SETBP1: variants seen among roughly 807,000 people sequenced by gnomAD.
The protein encoded by SETBP1 is SET-binding protein.
SETBP1 carries 9 observed loss-of-function variants against 101.0 expected under a neutral mutation model. That is an observed-to-expected ratio of 0.09 (90% CI 0.05 to 0.16). The LOEUF (loss-of-function observed/expected upper bound fraction) is 0.16. SETBP1 is among the 10% of genes least tolerant of loss of function. The probability of loss-of-function intolerance (pLI) is 1.00; values close to 1 mark genes in which losing one functional copy is unlikely to be tolerated. For missense variants in SETBP1, 1,858 were observed against 2,033.8 expected (o/e 0.91, Z 1.66); for synonymous variants, 818 against 788.5 (o/e 1.04, Z -0.63).
intron 4 of SETBP1, among the ~76,000 whole-genome samples, chr18:45,026,998 A>G (rs1225943745): frequency 6.6e-6 from 1 of 152,030 alleles, no homozygotes; most frequent in African/African-American, 2.4e-5. Context: ...AAAAATTAAA[A>G]CCTTTAACTT....
At position 44,956,735 on chromosome 18, in the gene SETBP1, C is replaced by T. The variant is rs912992304; in HGVS notation, c.4000+3395C>T. ...GAGCTGATGAAAGATACCATCTAAA[C>T]GTAAGTCATTACCATTATGGAGAGA... On this transcript the variant is annotated intron_variant, in intron 4 of 5. Transcript: ENST00000649279. Among the ~76,000 whole-genome samples, 4 of 152,162 alleles carry T rather than the reference C, an allele frequency of 2.6e-5. No individual in the cohort carries two copies. In the East Asian group the frequency reaches 5.8e-4, roughly 22 times the overall value.
intron 3 of SETBP1, among the ~76,000 whole-genome samples, chr18:44,911,698 C>T (rs1297733701): frequency 8.5e-5 from 13 of 152,188 alleles, no homozygotes; most frequent in Admixed American, 8.5e-4. Flanking sequence ...CCAGGGAGCC[C>T]TCTGAGCTCT....
intron 3 of SETBP1, among the ~76,000 whole-genome samples, chr18:44,877,565 A>G (rs1287502040): frequency 6.6e-6 from 1 of 152,190 alleles, no homozygotes; most frequent in African/African-American, 2.4e-5. Context: ...TTTTCTCATA[A>G]TTCCTAAGGA....
intron 4 of SETBP1, among the ~76,000 whole-genome samples, chr18:44,996,596 T>C (rs905718190): frequency 6.6e-6 from 1 of 152,266 alleles, no homozygotes; most frequent in Non-Finnish European, 1.5e-5. Flanking sequence ...TATCGAACTT[T>C]CTGATTTCCA....
intron 1 of SETBP1, 47 bp downstream of exon 1, chr18:44,681,068 A>C (rs1172063401): frequency 2.6e-5 from 4 of 152,186 alleles, no homozygotes; most frequent in Non-Finnish European, 5.9e-5. Context: ...TTTTTCTTAA[A>C]AATCTTAATC....
At chr18:45,019,934 A>G (rs1223732373) in intron 4 of SETBP1, among the ~76,000 whole-genome samples, 1 of 152,044 alleles carries the variant, frequency 6.6e-6, no homozygotes, top group African/African-American at 2.4e-5. Context: ...AAAAGCACCT[A>G]CCATAGAGAC....
chr18:44,788,725 A>T (rs1173644355), intron 2 of SETBP1, among the ~76,000 whole-genome samples: 1 of 151,794 alleles, frequency 6.6e-6, no homozygotes, highest in Middle Eastern at 3.2e-3. Context: ...CAGTCATGAA[A>T]GTGATCATTT....
At chr18:44,923,155 T>G (rs1033766930) in intron 3 of SETBP1, among the ~76,000 whole-genome samples, 1 of 152,178 alleles carries the variant, frequency 6.6e-6, no homozygotes, top group East Asian at 1.9e-4. Context: ...CCATATGGTT[T>G]TATATTTGAG....
At chr18:44,688,690 T>C (rs1234565306) in intron 1 of SETBP1, among the ~76,000 whole-genome samples, 1 of 152,088 alleles carries the variant, frequency 6.6e-6, no homozygotes, top group Non-Finnish European at 1.5e-5. Flanking sequence ...CCTGACCTCA[T>C]GATCCGCCTG....
chr18:44,989,173 T>A (rs1218945268), intron 4 of SETBP1: 1 of 152,188 alleles, frequency 6.6e-6, no homozygotes, highest in Non-Finnish European at 1.5e-5. Flanking sequence ...TCCCCTCAAC[T>A]ACAAGATAAG....
intron 2 of SETBP1, among the ~76,000 whole-genome samples, chr18:44,813,054 T>C (rs186914418): frequency 6.6e-6 from 1 of 151,268 alleles, no homozygotes; most frequent in Admixed American, 6.6e-5. Flanking sequence ...TGTAAAAAGG[T>C]AAAAAGGAAT....
chr18:44,716,729 A>G (rs1418308734), intron 2 of SETBP1, among the ~76,000 whole-genome samples: 1 of 151,928 alleles, frequency 6.6e-6, no homozygotes, highest in East Asian at 1.9e-4. Flanking sequence ...TGCCCGGCTC[A>G]TTTTTGTATT....
intron 2 of SETBP1, among the ~76,000 whole-genome samples, chr18:44,855,794 C>T (rs2072963510): frequency 1.3e-5 from 2 of 152,194 alleles, no homozygotes; most frequent in African/African-American, 4.8e-5. Flanking sequence ...CTGCCTGCCA[C>T]ATTGAGGGGA....
intron 2 of SETBP1, among the ~76,000 whole-genome samples, chr18:44,791,111 G>A (rs1299200943): frequency 1.3e-5 from 2 of 152,102 alleles, no homozygotes; most frequent in African/African-American, 4.8e-5. Flanking sequence ...TTGCATAAGA[G>A]GTGCGCTGAA....
chr18:44,805,702 G>GACTGT (rs2071717860), intron 2 of SETBP1, among the ~76,000 whole-genome samples: 1 of 152,078 alleles, frequency 6.6e-6, no homozygotes. Flanking sequence ...TGATGGCAGA[G>GACTGT]ACTGTCATCT....
At chr18:44,680,233 C>T (rs1261664125), upstream of SETBP1, 1 of 146,268 alleles carries the variant, frequency 6.8e-6, no homozygotes, top group African/African-American at 2.5e-5. Flanking sequence ...CCGGGGGCCC[C>T]GGCGCCCCCC....
intron 3 of SETBP1, among the ~76,000 whole-genome samples, chr18:44,898,881 A>C (rs1172139741): frequency 2.0e-5 from 3 of 152,222 alleles, no homozygotes; most frequent in Non-Finnish European, 4.4e-5. Flanking sequence ...ATCAAATAAC[A>C]TGAGATGCTG....
intron 4 of SETBP1, among the ~76,000 whole-genome samples, chr18:45,020,723 A>G (rs2073042732): frequency 6.6e-6 from 1 of 152,302 alleles, no homozygotes; most frequent in South Asian, 2.1e-4. Context: ...TCCTCTCACC[A>G]TGCAATTTTT....
rs767301100 is a variant in SETBP1 at position 44,953,301 on chromosome 18, C to T, written c.3961C>T (p.Arg1321Cys). The change falls in exon 4 of 6, where the codon CGC becomes TGC. Residue 1321 changes from arginine (R) to cysteine (C), a missense_variant. By Grantham distance (180) the Arg-to-Cys change is radical (BLOSUM62 -3). Coordinates refer to ENST00000649279, the MANE Select transcript of SETBP1 (RefSeq NM_015559.3). Reference sequence around the variant, plus strand: ...GGACATCCAAGCCTTCAAGATGAACCGCAAGGAGAGAAGTTCTTATGACTC... The same window carrying T: ...GGACATCCAAGCCTTCAAGATGAACTGCAAGGAGAGAAGTTCTTATGACTC... ...EKDIQAFKMN[R>C]KERSSYDSSM... 2.3e-5 allele frequency: 37 copies of T among 1,613,818 alleles called. No homozygotes were observed. Among genetic ancestry groups the T allele is most frequent in the Admixed American group, 3.3e-5 (2 of 59,994 alleles).
Sources: allele counts gnomAD v4.1 joint callset (sites outside exome capture counted in the v4.1 genomes callset), GRCh38; gene constraint gnomAD v4.1.1; transcripts MANE v1.5; gene names NCBI Gene and HGNC (gene_info 2026-07-23, HGNC 2026-07-21).